The following ZNF423 variants were observed in gnomAD, a reference collection of about 807,000 sequenced individuals.
The protein encoded by ZNF423 is zinc finger protein 423, also known as Ebf-associated zinc finger protein.
In ZNF423, 12 loss-of-function variants were observed where a neutral mutation model predicts 95.8. The ratio of observed to expected loss-of-function variants is 0.13; its 90% CI spans 0.08 to 0.20. The LOEUF (loss-of-function observed/expected upper bound fraction) is 0.20. ZNF423 is among the 10% of genes least tolerant of loss of function. The pLI, the probability that ZNF423 is intolerant of heterozygous loss-of-function variation, is 1.00. For synonymous variants in ZNF423, 749 were observed against 711.9 expected (o/e 1.05, Z -0.83); for missense variants, 1,316 against 1,737.1 (o/e 0.76, Z 4.31).
In ZNF423 at chr16:49,638,198, G is replaced by A. The variant is rs377569533; in HGVS notation, c.978C>T (p.His326=). 2.5e-5 allele frequency: 40 copies of A among 1,607,794 alleles called. No homozygotes were observed. The highest frequency in any genetic ancestry group is 3.3e-5 in the Non-Finnish European group (39 of 1,180,014). ...TGGGGCACTTGTGTTTCTGGTTGGC[G>A]TGGGCTTGGTGGATATGGGCGAGCA... ...NTLLAHIHQA[H]ANQKHKCPMC... is the part of the protein sequence containing the mutation. Residue 326 remains histidine, a synonymous_variant, in exon 4 of 8, where the codon CAC becomes CAT. Coordinates refer to ENST00000563137, the MANE Select transcript of ZNF423 (RefSeq NM_001379286.1). The surrounding 1 kb of genome is among the most constrained non-coding windows in gnomAD (Gnocchi z 5.6).
intron 1 of ZNF423, among the ~76,000 whole-genome samples, chr16:49,837,679 T>C (rs959345892): frequency 6.6e-6 from 1 of 151,880 alleles, no homozygotes; most frequent in African/African-American, 2.4e-5. Flanking sequence ...CACTCAAAAC[T>C]CCCCCAGATT....
chr16:49,507,372 C>T (rs1217741996), intron 7 of ZNF423, among the ~76,000 whole-genome samples: 1 of 152,034 alleles, frequency 6.6e-6, no homozygotes, highest in Non-Finnish European at 1.5e-5. Flanking sequence ...GACCTCAAGC[C>T]ATTCTCCTGC....
chr16:49,741,647 G>C (rs2033416727), intron 2 of ZNF423, among the ~76,000 whole-genome samples: 1 of 152,236 alleles, frequency 6.6e-6, no homozygotes, highest in South Asian at 2.1e-4. Context: ...CAGCCTGGGG[G>C]CTACCCACTG....
Position 49,635,620 on chromosome 16 carries a change from G to A in ZNF423, c.3516+40C>T. 1 of 1,511,892 alleles carries A rather than the reference G, an allele frequency of 6.6e-7. No individual in the cohort carries two copies. Among genetic ancestry groups the A allele is most frequent in the Non-Finnish European group, 8.8e-7 (1 of 1,132,758 alleles). The allele number at this position is 1,511,892 out of a possible 1,614,324, so 93.7% of individuals were successfully genotyped here. A position where few individuals can be genotyped will look rare whatever the true frequency, so the allele number is the denominator to read the frequency against. On this transcript the variant is annotated intron_variant, in intron 4 of 7. Transcript: ENST00000563137. The surrounding 1 kb of genome is among the most constrained non-coding windows in gnomAD (Gnocchi z 4.8). ...CCTGTGGGGACCAGAGGAGCCCCAAGGAGAGGAGCAGGGAGCAGGATGAGG... is the reference window on the plus strand; with the variant it reads ...CCTGTGGGGACCAGAGGAGCCCCAAAGAGAGGAGCAGGGAGCAGGATGAGG...
intron 7 of ZNF423, among the ~76,000 whole-genome samples, chr16:49,491,834 G>C (rs902047129): frequency 6.6e-6 from 1 of 152,214 alleles, no homozygotes; most frequent in African/African-American, 2.4e-5. Context: ...GGCGTGCTGA[G>C]GCAGTGGGCG....
At chr16:49,703,136 G>T (rs1437282563) in intron 3 of ZNF423, among the ~76,000 whole-genome samples, 1 of 152,180 alleles carries the variant, frequency 6.6e-6, no homozygotes, top group Non-Finnish European at 1.5e-5. Flanking sequence ...GTTACCGCTA[G>T]AACCTCCCCA....
chr16:49,600,628 C>G (rs1486024098), intron 5 of ZNF423, among the ~76,000 whole-genome samples: 1 of 152,084 alleles, frequency 6.6e-6, no homozygotes, highest in Non-Finnish European at 1.5e-5. Context: ...GGGAACCATG[C>G]GCCATGGCCT....
chr16:49,557,284 C>G (rs1969859967), intron 5 of ZNF423, among the ~76,000 whole-genome samples: 1 of 152,224 alleles, frequency 6.6e-6, no homozygotes, highest in Non-Finnish European at 1.5e-5. Context: ...CTTCTGCATA[C>G]AAATGAGCGC....
At chr16:49,846,528 T>C (rs1317122584) in intron 1 of ZNF423, among the ~76,000 whole-genome samples, 1 of 152,180 alleles carries the variant, frequency 6.6e-6, no homozygotes, top group Non-Finnish European at 1.5e-5. Flanking sequence ...GTCTGGCCCC[T>C]GGCTGGCCAG....
At chr16:49,500,776 C>T (rs895299572) in intron 7 of ZNF423, among the ~76,000 whole-genome samples, 11 of 151,274 alleles carry the variant, frequency 7.3e-5, no homozygotes, top group Middle Eastern at 3.4e-3. Flanking sequence ...GGTGTGGTGG[C>T]GTGTGCCTGT....
chr16:49,552,707 GCAAGCGTGT>G (rs1969686013), intron 5 of ZNF423, among the ~76,000 whole-genome samples: 1 of 152,236 alleles, frequency 6.6e-6, no homozygotes, highest in Admixed American at 6.5e-5. Context: ...AGGGACAAGT[GCAAGCGTGT>G]CATTCAGGAA....
rs1312481076 is a variant in ZNF423, at chr16:49,855,191, C to A, written c.40+544G>T. On this transcript the variant is annotated intron_variant, in intron 1 of 7. Coordinates refer to ENST00000563137, the MANE Select transcript of ZNF423 (RefSeq NM_001379286.1). This position sits in a 1 kb window ranked among gnomAD's most constrained non-coding sequence, Gnocchi z 4.7. ...GAGGGCGCGGCGCCCGGGGCGCTCG[C>A]CGACAGCGCCCGCCGCTCCCCGCGT... Among the ~76,000 whole-genome samples, 1 of 150,202 alleles carries A rather than the reference C, an allele frequency of 6.7e-6. No individual in the cohort carries two copies. Among genetic ancestry groups the A allele is most frequent in the Non-Finnish European group, 1.5e-5 (1 of 67,280 alleles).
intron 2 of ZNF423, among the ~76,000 whole-genome samples, chr16:49,740,162 C>T (rs749237558): frequency 3.9e-5 from 6 of 152,122 alleles, no homozygotes; most frequent in Non-Finnish European, 8.8e-5. Context: ...CACTGTACCC[C>T]GCCGACATTT....
chr16:49,576,893 G>A (rs1970517207), intron 5 of ZNF423, among the ~76,000 whole-genome samples: 1 of 152,192 alleles, frequency 6.6e-6, no homozygotes, highest in African/African-American at 2.4e-5. Context: ...TAAAAATGTA[G>A]TTTAATACTA....
At chr16:49,563,929 T>C (rs945339305) in intron 5 of ZNF423, among the ~76,000 whole-genome samples, 1 of 152,236 alleles carries the variant, frequency 6.6e-6, no homozygotes, top group East Asian at 1.9e-4. Context: ...CACCATCTGA[T>C]GGGCCAAGGT....
intron 3 of ZNF423, among the ~76,000 whole-genome samples, chr16:49,714,608 T>C (rs1437578743): frequency 7.5e-6 from 1 of 132,660 alleles, no homozygotes; most frequent in African/African-American, 3.0e-5. Context: ...ATCTCGCCAC[T>C]GCACTCCAGC....
intron 5 of ZNF423, among the ~76,000 whole-genome samples, chr16:49,576,480 G>A (rs185842359): frequency 1.2e-4 from 19 of 152,278 alleles, no homozygotes; most frequent in Non-Finnish European, 2.2e-4. Flanking sequence ...CAATAAAAAC[G>A]GAGGCCACCA....
intron 3 of ZNF423, among the ~76,000 whole-genome samples, chr16:49,708,585 C>T (rs73571439): frequency 0.022 from 3,332 of 152,228 alleles, 116 homozygotes; most frequent in African/African-American, 0.076. Flanking sequence ...CCACCATGCC[C>T]TGCTCTTCCT....
chr16:49,511,701 C>T (rs894904283), intron 7 of ZNF423, among the ~76,000 whole-genome samples: 1 of 152,234 alleles, frequency 6.6e-6, no homozygotes, highest in African/African-American at 2.4e-5. Flanking sequence ...CAAACTGCCA[C>T]ACATGGCCCC....
Sources: gnomAD v4.1 joint callset for allele counts (sites outside exome capture counted in the v4.1 genomes callset) on GRCh38, gnomAD v4.1.1 for gene constraint, Gnocchi (gnomAD v3.1) non-coding constraint, MANE v1.5 for transcripts, NCBI Gene and HGNC (gene_info 2026-07-23, HGNC 2026-07-21) for gene names.